The following KCNH7 variants were observed in gnomAD, a reference collection of about 807,000 sequenced individuals.
KCNH7 encodes potassium voltage-gated channel subfamily H member 7, also known as voltage-gated inwardly rectifying potassium channel KCNH7.
Under a neutral mutation model 120.8 loss-of-function variants are expected in KCNH7, and 49 were observed. The ratio of observed to expected loss-of-function variants is 0.41; its 90% confidence interval spans 0.32 to 0.51. The LOEUF is 0.51. Among genes scored for constraint, KCNH7 ranks in the 20% least tolerant of loss-of-function variants. The pLI is 0.38. For missense variants in KCNH7, 1,097 were observed against 1,446.6 expected (o/e 0.76, Z 3.92); for synonymous variants, 547 against 516.1 (o/e 1.06, Z -0.81).
At chr2:162,508,363 C>T (rs1356575047) in intron 5 of KCNH7, among the ~76,000 whole-genome samples, 1 of 150,894 alleles carries the variant, frequency 6.6e-6, no homozygotes, top group Non-Finnish European at 1.5e-5. Flanking sequence ...ATAGTTAATC[C>T]ACATTTTCTT....
chr2:162,594,977 G>A (rs1035637294), intron 2 of KCNH7, among the ~76,000 whole-genome samples: 2 of 152,004 alleles, frequency 1.3e-5, no homozygotes, highest in African/African-American at 4.8e-5. Context: ...AGGGATGCAA[G>A]GATGGTTGAA....
chr2:162,488,237 A>G (rs975639664), intron 6 of KCNH7, among the ~76,000 whole-genome samples: 21 of 152,156 alleles, frequency 1.4e-4, no homozygotes, highest in African/African-American at 5.1e-4. Flanking sequence ...AATTTTACCT[A>G]ATTTTACCTC....
At chr2:162,731,946 T>C (rs1027366473) in intron 2 of KCNH7, among the ~76,000 whole-genome samples, 4 of 152,180 alleles carry the variant, frequency 2.6e-5, no homozygotes, top group African/African-American at 9.7e-5. Context: ...ACTTGAACTG[T>C]TAACTCCTGG....
intron 2 of KCNH7, among the ~76,000 whole-genome samples, chr2:162,752,943 GAAAAGAAAAGA>G (rs1688629421): frequency 1.0e-5 from 1 of 98,986 alleles, no homozygotes; most frequent in Non-Finnish European, 1.8e-5. Context: ...GAAAAGAAAA[GAAAAGAAAAGA>G]AAAGAAAAGA....
rs1053276911 is a variant in KCNH7 at position 162,838,760 on chromosome 2, T to C, written c.-242A>G. The stretch of plus-strand genomic sequence containing the variant: ...ACCGGACTGCCGCGGGTGAGAGGGT[T>C]TGGGGGTGGGGAACGGGAAGGAGGC... On this transcript the variant is annotated 5_prime_UTR_variant, in exon 1 of 16. Coordinates refer to ENST00000332142, the MANE Select transcript of KCNH7 (RefSeq NM_033272.4). 6.1e-6 allele frequency: 1 copy of C among 164,950 alleles called. No homozygotes were observed. Among genetic ancestry groups the C allele is most frequent in the Non-Finnish European group, 1.2e-5 (1 of 80,508 alleles). 10.2% of individuals were successfully genotyped at this position (164,950 alleles called of 1,614,324 possible).
At position 162,372,692 on chromosome 2, in the gene KCNH7, C is replaced by T. The variant is rs549981953; in HGVS notation, c.3325-597G>A. 1.8e-4 allele frequency among the ~76,000 whole-genome samples: 28 copies of T among 152,078 alleles called. No homozygotes were observed. In the South Asian group the frequency reaches 5.2e-3, roughly 28 times the overall value. On this transcript the variant is annotated intron_variant, in intron 15 of 15. Coordinates refer to ENST00000332142, the MANE Select transcript of KCNH7 (RefSeq NM_033272.4). ...TCCAGAACGTCTTAAATTAAATTCC[C>T]GAACATCTAAAAAAGTTTTATGAGA...
chr2:162,621,412 T>C (rs1324183070), intron 2 of KCNH7, among the ~76,000 whole-genome samples: 1 of 152,004 alleles, frequency 6.6e-6, no homozygotes, highest in Admixed American at 6.6e-5. Context: ...ACACTCAACA[T>C]TGTCACTCCC....
At position 162,402,949 on chromosome 2, in the gene KCNH7, G is replaced by A. The variant is rs184596232; in HGVS notation, c.2155-2508C>T. On this transcript the variant is annotated intron_variant, in intron 9 of 15. Coordinates refer to ENST00000332142, the MANE Select transcript of KCNH7 (RefSeq NM_033272.4). The stretch of plus-strand genomic sequence containing the variant: ...TGGAATCAGACAGGCTTGATCCAGA[G>A]TTCTAGCTCCATCATTTACTAGTTT... 5.1e-3 allele frequency among the ~76,000 whole-genome samples: 768 copies of A among 151,992 alleles called. 14 individuals carry two copies. Among genetic ancestry groups the A allele is most frequent in the African/African-American group, 0.018 (732 of 41,524 alleles).
At position 162,558,971 on chromosome 2, in the gene KCNH7, C is replaced by A. The variant is rs190525494; in HGVS notation, c.308-21891G>T. Among the ~76,000 whole-genome samples the A allele has an allele frequency of 5.3e-3, 750 of 141,108 alleles. 38 individuals are homozygous for A. The East Asian group carries it at 0.13, about 25-fold the overall frequency. 92.6% of individuals were successfully genotyped at this position (141,108 alleles called of 152,430 possible). A position where few individuals can be genotyped will look rare whatever the true frequency, so the allele number is the denominator to read the frequency against. On this transcript the variant is annotated intron_variant, in intron 2 of 15. Transcript: ENST00000332142. ...TCGGGAGGCTGAGGCAGGAGAATGG[C>A]GTGAACCCGGGAGGTGGAGCTTGCA...
chr2:162,559,370 A>G (rs1304398126), intron 2 of KCNH7, among the ~76,000 whole-genome samples: 3 of 152,194 alleles, frequency 2.0e-5, no homozygotes, highest in East Asian at 3.8e-4. Context: ...ACAGTGTGAG[A>G]GTCAGCTGCG....
chr2:162,766,400 G>A (rs946073643), intron 2 of KCNH7, among the ~76,000 whole-genome samples: 10 of 152,108 alleles, frequency 6.6e-5, no homozygotes, highest in African/African-American at 2.4e-4. Flanking sequence ...TGAAAAGAAG[G>A]TCTAAAACAT....
intron 2 of KCNH7, among the ~76,000 whole-genome samples, chr2:162,752,933 G>GAAA (rs1688626167): frequency 4.7e-5 from 4 of 84,686 alleles, no homozygotes; most frequent in African/African-American, 7.6e-5. Context: ...GAAAAGAAAA[G>GAAA]AAAAGAAAAG....
chr2:162,455,112 A>G (rs146409619), intron 6 of KCNH7, among the ~76,000 whole-genome samples: 23 of 152,242 alleles, frequency 1.5e-4, no homozygotes, highest in Non-Finnish European at 2.4e-4. Flanking sequence ...GATATGTTCC[A>G]TCAATGTCTA....
chr2:162,776,973 T>C (rs553286410), intron 2 of KCNH7, among the ~76,000 whole-genome samples: 1 of 152,306 alleles, frequency 6.6e-6, no homozygotes, highest in East Asian at 1.9e-4. Context: ...TCTTTCCCTG[T>C]TCTCAATTCT....
intron 6 of KCNH7, among the ~76,000 whole-genome samples, chr2:162,477,551 A>T (rs942850500): frequency 6.6e-6 from 1 of 152,006 alleles, no homozygotes; most frequent in Non-Finnish European, 1.5e-5. Context: ...GTCAGGCCCT[A>T]AAAAAAAGCA....
chr2:162,714,169 G>C (rs913841190), intron 2 of KCNH7, among the ~76,000 whole-genome samples: 11 of 152,126 alleles, frequency 7.2e-5, no homozygotes, highest in African/African-American at 2.7e-4. Context: ...TAAATAGTTA[G>C]GTCAGAGCCA....
At chr2:162,833,953 A>T (rs1685564336) in intron 2 of KCNH7, among the ~76,000 whole-genome samples, 1 of 152,166 alleles carries the variant, frequency 6.6e-6, no homozygotes, top group South Asian at 2.1e-4. Flanking sequence ...ATGCTAAATA[A>T]AGAATAAGCA....
At chr2:162,629,101 GA>G (rs1485922926) in intron 2 of KCNH7, among the ~76,000 whole-genome samples, 2 of 152,102 alleles carry the variant, frequency 1.3e-5, no homozygotes, top group Non-Finnish European at 2.9e-5. Flanking sequence ...TGATGTGGTG[GA>G]AATAGAAGTC....
intron 14 of KCNH7, among the ~76,000 whole-genome samples, chr2:162,379,497 A>G (rs1573891473): frequency 6.6e-6 from 1 of 152,098 alleles, no homozygotes; most frequent in Admixed American, 6.6e-5. Context: ...GCTATCGGGA[A>G]CATCCGAAAA....
Sources: allele counts gnomAD v4.1 joint callset (sites outside exome capture counted in the v4.1 genomes callset), GRCh38; gene constraint gnomAD v4.1.1; transcripts MANE v1.5; gene names NCBI Gene and HGNC (gene_info 2026-07-23, HGNC 2026-07-21).